The following SIPA1L3 variants were observed in gnomAD, a reference collection of about 807,000 sequenced individuals.
SIPA1L3 encodes signal induced proliferation associated 1 like 3, also known as signal-induced proliferation-associated 1-like protein 3.
SIPA1L3 carries 59 observed loss-of-function variants against 150.1 expected under a neutral mutation model. That is an observed-to-expected ratio of 0.39 (90% CI 0.32 to 0.49). The LOEUF (loss-of-function observed/expected upper bound fraction) is 0.49, where lower values mean the gene tolerates loss of function less well. Ranked by LOEUF, SIPA1L3 falls within the 20% of genes least tolerant of loss-of-function variation. The pLI, the probability that SIPA1L3 is intolerant of heterozygous loss-of-function variation, is 0.86. For synonymous variants in SIPA1L3, 1,070 were observed against 1,077.6 expected, an observed-to-expected ratio of 0.99 and a Z score of 0.14; for missense variants, 2,211 against 2,489.5, an observed-to-expected ratio of 0.89 and a Z score of 2.38.
At chr19:37,936,616 T>A (rs2046603071) in intron 1 of SIPA1L3, among the ~76,000 whole-genome samples, 2 of 152,226 alleles carry the variant, frequency 1.3e-5, no homozygotes, top group Admixed American at 1.3e-4. Flanking sequence ...ACAGTGGCCC[T>A]ATGAAATGGG....
chr19:37,918,914 A>G (rs2046435380), intron 1 of SIPA1L3, among the ~76,000 whole-genome samples: 1 of 137,946 alleles, frequency 7.2e-6, no homozygotes, highest in African/African-American at 3.0e-5. Flanking sequence ...AAATAAATAA[A>G]TAAACAAACT....
chr19:38,061,258 C>T (rs1379563975), intron 2 of SIPA1L3, among the ~76,000 whole-genome samples: 1 of 150,902 alleles, frequency 6.6e-6, no homozygotes, highest in Non-Finnish European at 1.5e-5. Context: ...GAGATGGGGT[C>T]TCGCTATGTT....
intron 10 of SIPA1L3, among the ~76,000 whole-genome samples, chr19:38,132,632 A>G (rs1971339938): frequency 6.7e-6 from 1 of 149,280 alleles, no homozygotes; most frequent in African/African-American, 2.5e-5. Flanking sequence ...CATTTGATTC[A>G]TGTATCTCTT....
chr19:38,148,238 C>T (rs1009610024), intron 12 of SIPA1L3, among the ~76,000 whole-genome samples: 1 of 151,374 alleles, frequency 6.6e-6, no homozygotes, highest in African/African-American at 2.4e-5. Flanking sequence ...GTAGTCCCAG[C>T]TACTCGGGAG....
At chr19:38,175,280 G>A (rs1479818961) in intron 15 of SIPA1L3, among the ~76,000 whole-genome samples, 2 of 151,996 alleles carry the variant, frequency 1.3e-5, no homozygotes, top group Non-Finnish European at 2.9e-5. Flanking sequence ...GCCACCTACT[G>A]TGCCACTGCT....
At chr19:38,085,628 G>A (rs952673938) in intron 3 of SIPA1L3, among the ~76,000 whole-genome samples, 3 of 152,162 alleles carry the variant, frequency 2.0e-5, no homozygotes, top group East Asian at 1.9e-4. Context: ...CTTAAAGTTC[G>A]CCAAGAAATT....
intron 8 of SIPA1L3, among the ~76,000 whole-genome samples, chr19:38,112,833 G>A (rs1045336275): frequency 2.0e-5 from 3 of 152,018 alleles, no homozygotes; most frequent in African/African-American, 4.8e-5. Flanking sequence ...GAGGGAGCCC[G>A]GACACAGCTC....
chr19:38,040,237 G>C (rs1370438121), intron 2 of SIPA1L3, among the ~76,000 whole-genome samples: 2 of 152,120 alleles, frequency 1.3e-5, no homozygotes. Flanking sequence ...TCATCTACAC[G>C]TATTTCCAGA....
In SIPA1L3 at chr19:38,208,310, G is replaced by C. The variant is rs1385195655; in HGVS notation, c.*2070G>C. ...TTGTCTTTTTTTTTTCCCCATCCCT[G>C]TCTTGAGATTTTCTGGCATGTTTCT... On this transcript the variant is annotated 3_prime_UTR_variant, in exon 22 of 22. Coordinates refer to ENST00000222345, the MANE Select transcript of SIPA1L3 (RefSeq NM_015073.3). 2.1e-5 allele frequency: 3 copies of C among 142,952 alleles called. No individual in the cohort carries two copies. Among genetic ancestry groups the C allele is most frequent in the African/African-American group, 7.9e-5 (3 of 38,062 alleles). The allele number at this position is 142,952 out of a possible 1,614,324, so 8.9% of individuals were successfully genotyped here.
chr19:38,081,193 C>T (rs182252739), intron 2 of SIPA1L3, 63 bp from the exon 3 acceptor site: 112 of 403,904 alleles, frequency 2.8e-4, no homozygotes, highest in Middle Eastern at 1.3e-3. Context: ...AGTCACATGT[C>T]CCACTTTCTG....
chr19:38,165,888 G>A (rs1389857606), intron 15 of SIPA1L3, among the ~76,000 whole-genome samples: 2 of 152,082 alleles, frequency 1.3e-5, no homozygotes, highest in East Asian at 3.9e-4. Flanking sequence ...TCGGCCTCCC[G>A]AGTAGCTGAG....
In SIPA1L3 at chr19:38,164,068, A is replaced by G. The variant is rs1972151164; in HGVS notation, c.3781-411A>G. Among the ~76,000 whole-genome samples, 1 of 152,136 alleles carries G rather than the reference A, an allele frequency of 6.6e-6. No homozygotes were observed. Among genetic ancestry groups the G allele is most frequent in the South Asian group, 2.1e-4 (1 of 4,826 alleles). On this transcript the variant is annotated intron_variant, in intron 14 of 21. Transcript: ENST00000222345. The surrounding 1 kb of genome is among the most constrained non-coding windows in gnomAD (Gnocchi z 4.1). The stretch of plus-strand genomic sequence containing the variant: ...GAGGACGCGGGCAGCAGGGTTTGCT[A>G]GTGGGCTGGACATGAGTGAGAGCAA...
chr19:38,111,383 C>T (rs1004068712), intron 8 of SIPA1L3, among the ~76,000 whole-genome samples: 3 of 152,134 alleles, frequency 2.0e-5, no homozygotes, highest in Non-Finnish European at 4.4e-5. Flanking sequence ...TCTGATACTT[C>T]ATATTCCATT....
chr19:38,088,968 G>A, intron 4 of SIPA1L3, 117 bp downstream of exon 4: 9 of 1,102,326 alleles, frequency 8.2e-6, no homozygotes, highest in South Asian at 1.5e-5. Flanking sequence ...CAACAACCCC[G>A]GGAGAGCAAT....
At chr19:38,151,050 C>T (rs1971810982) in intron 12 of SIPA1L3, among the ~76,000 whole-genome samples, 2 of 152,192 alleles carry the variant, frequency 1.3e-5, no homozygotes, top group African/African-American at 4.8e-5. Context: ...ATTCCTTCTG[C>T]CTCCTCTCTT....
chr19:37,918,969 C>T (rs2046436072), intron 1 of SIPA1L3, among the ~76,000 whole-genome samples: 1 of 152,136 alleles, frequency 6.6e-6, no homozygotes, highest in Non-Finnish European at 1.5e-5. Context: ...CTCTGGCCCT[C>T]ATTGCTGTGT....
At chr19:38,155,908 C>G (rs1971939645) in intron 13 of SIPA1L3, among the ~76,000 whole-genome samples, 2 of 152,116 alleles carry the variant, frequency 1.3e-5, no homozygotes, top group East Asian at 3.8e-4. Context: ...TGGCGAAACC[C>G]CTTCTCTACT....
chr19:37,922,668 C>T (rs1355854248), intron 1 of SIPA1L3, among the ~76,000 whole-genome samples: 5 of 150,902 alleles, frequency 3.3e-5, no homozygotes, highest in Non-Finnish European at 3.0e-5. Flanking sequence ...GCTGGGATTA[C>T]AGGCGTGAGC....
chr19:38,039,039 C>T (rs1156564500), intron 2 of SIPA1L3, among the ~76,000 whole-genome samples: 8 of 152,050 alleles, frequency 5.3e-5, no homozygotes, highest in Non-Finnish European at 1.2e-4. Context: ...TGCACCACCA[C>T]GCCTGGCTAA....
Sources: gnomAD v4.1 joint callset for allele counts (sites outside exome capture counted in the v4.1 genomes callset) on GRCh38, gnomAD v4.1.1 for gene constraint, Gnocchi (gnomAD v3.1) non-coding constraint, MANE v1.5 for transcripts, NCBI Gene and HGNC (gene_info 2026-07-23, HGNC 2026-07-21) for gene names.